Variants in COLEC10 observed in about 807,000 individuals in gnomAD.
The protein encoded by COLEC10 is collectin subfamily member 10, also known as collectin-10.
COLEC10 carries 22 observed loss-of-function variants against 28.4 expected under a neutral mutation model. The observed-to-expected ratio is 0.78, with a 90% CI of 0.55 to 1.11. The LOEUF is 1.11. Ranked by LOEUF, COLEC10 falls within the 50% of genes least tolerant of loss-of-function variation. COLEC10 has a pLI of 0.00. For missense variants in COLEC10, 361 were observed against 344.1 expected (o/e 1.05, Z -0.39); for synonymous variants, 125 against 116.1 (o/e 1.08, Z -0.49).
chr8:119,094,724 A>G (rs959484811), intron 3 of COLEC10, among the ~76,000 whole-genome samples: 1 of 152,210 alleles, frequency 6.6e-6, no homozygotes, highest in Non-Finnish European at 1.5e-5. Flanking sequence ...GGAATGGCCC[A>G]GGAAATGCCC....
Position 119,108,330 on chromosome 8 carries a change from GCAACTTCA to G in COLEC10, c.*2140_*2147del, listed in dbSNP as rs1815994576. Among the ~76,000 whole-genome samples, 1 of 152,156 alleles carries G rather than the reference GCAACTTCA, an allele frequency of 6.6e-6. No homozygotes were observed. Among genetic ancestry groups the G allele is most frequent in the Non-Finnish European group, 1.5e-5 (1 of 68,016 alleles). On this transcript the variant is annotated 3_prime_UTR_variant, in exon 6 of 6. Coordinates refer to ENST00000332843, the MANE Select transcript of COLEC10 (RefSeq NM_006438.5). ...GACATGCAGCAAATGTTGCCTACGG[GCAACTTCA>G]TGTTAAGGATCCATGTTCTGATTTG...
chr8:119,007,078 A>T (rs4495461), intron 1 of COLEC10, among the ~76,000 whole-genome samples: 88,186 of 151,320 alleles, frequency 0.58, 26,337 homozygotes, highest in African/African-American at 0.72. Flanking sequence ...AAAGATGGCA[A>T]AACTATAAGC....
At chr8:119,017,603 T>C (rs1217745438) in intron 2 of COLEC10, among the ~76,000 whole-genome samples, 1 of 152,200 alleles carries the variant, frequency 6.6e-6, no homozygotes, top group African/African-American at 2.4e-5. Context: ...TTGAGAGCTG[T>C]GTTTTGGAAA....
intron 2 of COLEC10, among the ~76,000 whole-genome samples, chr8:119,011,440 T>A (rs1173298133): frequency 1.3e-5 from 2 of 149,658 alleles, no homozygotes; most frequent in African/African-American, 5.1e-5. Context: ...TTTCCTTCAA[T>A]ATTGTGTTGA....
At chr8:118,993,581 C>T (rs1181738337), upstream of COLEC10, among the ~76,000 whole-genome samples, 4 of 152,220 alleles carry the variant, frequency 2.6e-5, no homozygotes, top group East Asian at 7.7e-4. Context: ...TCTCAAACTC[C>T]TGACATAAGG....
upstream of COLEC10, among the ~76,000 whole-genome samples, chr8:119,066,795 G>A (rs1814973001): frequency 6.6e-6 from 1 of 152,152 alleles, no homozygotes; most frequent in African/African-American, 2.4e-5. Context: ...GTCATGGAGG[G>A]CATTGGAAGC....
the COLEC10 span, among the ~76,000 whole-genome samples, chr8:118,959,516 G>T: frequency 6.6e-6 from 1 of 152,178 alleles, no homozygotes; most frequent in Admixed American, 6.5e-5. Flanking sequence ...AAGGCACTTA[G>T]AGCAATGCCT....
At chr8:118,962,399 C>A in the COLEC10 span, among the ~76,000 whole-genome samples, 1 of 152,182 alleles carries the variant, frequency 6.6e-6, no homozygotes, top group Non-Finnish European at 1.5e-5. Context: ...ATTCCCTTTA[C>A]CTGAAAGGTC....
the COLEC10 span, among the ~76,000 whole-genome samples, chr8:118,960,564 C>T: frequency 6.6e-6 from 1 of 152,002 alleles, no homozygotes; most frequent in Non-Finnish European, 1.5e-5. Flanking sequence ...GCGGGTGGAT[C>T]ACGAGGTCGA....
At chr8:119,023,297 T>G (rs552535734) in intron 2 of COLEC10, among the ~76,000 whole-genome samples, 1 of 152,174 alleles carries the variant, frequency 6.6e-6, no homozygotes, top group Non-Finnish European at 1.5e-5. Flanking sequence ...AGTCCAAGAA[T>G]AAAAGGATTT....
chr8:119,083,504 G>T (rs1815408123), intron 1 of COLEC10, among the ~76,000 whole-genome samples: 1 of 152,092 alleles, frequency 6.6e-6, no homozygotes, highest in Non-Finnish European at 1.5e-5. Flanking sequence ...GAAGCCCAGG[G>T]AGTGGATACC....
At chr8:119,084,269 G>T (rs1423834481) in intron 1 of COLEC10, among the ~76,000 whole-genome samples, 1 of 152,148 alleles carries the variant, frequency 6.6e-6, no homozygotes, top group East Asian at 1.9e-4. Flanking sequence ...TCACAGAGCT[G>T]ATAAGCAATG....
chr8:118,981,755 G>A, the COLEC10 span, among the ~76,000 whole-genome samples: 6 of 152,122 alleles, frequency 3.9e-5, no homozygotes, highest in African/African-American at 1.2e-4. Flanking sequence ...ATCTGATATG[G>A]TCAGAGATGT....
chr8:119,054,942 G>A (rs552572232), intron 2 of COLEC10, among the ~76,000 whole-genome samples: 46 of 152,048 alleles, frequency 3.0e-4, no homozygotes, highest in South Asian at 1.0e-3. Context: ...AGATCTTCTC[G>A]AAAGTAATTT....
chr8:119,050,089 T>G (rs1469511523), intron 2 of COLEC10, among the ~76,000 whole-genome samples: 1 of 152,226 alleles, frequency 6.6e-6, no homozygotes, highest in Non-Finnish European at 1.5e-5. Flanking sequence ...TAGTCCCTAC[T>G]TGGCTTTATG....
chr8:118,977,106 G>A, the COLEC10 span, among the ~76,000 whole-genome samples: 1 of 150,104 alleles, frequency 6.7e-6, no homozygotes, highest in African/African-American at 2.4e-5. Context: ...AACAACAGGT[G>A]CTGGAGAGGA....
chr8:119,023,899 T>C (rs1485285), intron 2 of COLEC10, among the ~76,000 whole-genome samples: 100,329 of 151,978 alleles, frequency 0.66, 34,549 homozygotes, highest in African/African-American at 0.86. Context: ...GGGTGCATGG[T>C]AGTCCTGTAC....
chr8:119,069,942 C>T (rs1024845877), intron 1 of COLEC10, among the ~76,000 whole-genome samples: 1 of 151,940 alleles, frequency 6.6e-6, no homozygotes, highest in Non-Finnish European at 1.5e-5. Context: ...CTCTGGGAAA[C>T]AGTGAAATGA....
intron 2 of COLEC10, among the ~76,000 whole-genome samples, chr8:119,047,227 A>G (rs1230363888): frequency 6.6e-6 from 1 of 152,212 alleles, no homozygotes; most frequent in Non-Finnish European, 1.5e-5. Context: ...AAGGTAAACA[A>G]TTTGAGTACA....
Sources: allele counts gnomAD v4.1 joint callset (sites outside exome capture counted in the v4.1 genomes callset), GRCh38; gene constraint gnomAD v4.1.1; transcripts MANE v1.5; gene names NCBI Gene and HGNC (gene_info 2026-07-23, HGNC 2026-07-21).